Variants in PBRM1 observed in about 807,000 individuals in gnomAD.
PBRM1 encodes the protein protein polybromo-1.
Under a neutral mutation model 194.5 loss-of-function variants are expected in PBRM1, and 27 were observed. The observed-to-expected ratio is 0.14, with a 90% CI of 0.10 to 0.19. PBRM1 has a LOEUF of 0.19. Among genes scored for constraint, PBRM1 ranks in the 10% least tolerant of loss-of-function variants. PBRM1 has a pLI of 1.00. For synonymous variants in PBRM1, 655 were observed against 693.2 expected (o/e 0.94, Z 0.87); for missense variants, 1,466 against 2,077.2 (o/e 0.71, Z 5.72).
chr3:52,661,638 A>G (rs2096727246), intron 4 of PBRM1, among the ~76,000 whole-genome samples: 1 of 152,334 alleles, frequency 6.6e-6, no homozygotes, highest in South Asian at 2.1e-4. Flanking sequence ...ACAATAAAAA[A>G]GAGCCAGTCA....
chr3:52,576,513 G>T, intron 22 of PBRM1, 28 bp downstream of exon 24: 1 of 1,561,734 alleles, frequency 6.4e-7, no homozygotes, highest in South Asian at 1.2e-5. Flanking sequence ...GAATAAACAC[G>T]ATTAAATAAA....
At chr3:52,578,057 T>C (rs538548018) in intron 21 of PBRM1, among the ~76,000 whole-genome samples, 26 of 152,188 alleles carry the variant, frequency 1.7e-4, no homozygotes, top group Non-Finnish European at 3.5e-4. Context: ...GTGTTTATAC[T>C]GGCTGTTCCC....
chr3:52,583,503 C>T (rs1243289006), intron 20 of PBRM1, among the ~76,000 whole-genome samples: 1 of 151,780 alleles, frequency 6.6e-6, no homozygotes, highest in Non-Finnish European at 1.5e-5. Context: ...TCAACTCTTG[C>T]CATCCTGTTA....
At chr3:52,627,392 G>A (rs1577026664) in intron 12 of PBRM1, 22 bp from the exon 14 acceptor site, 3 of 1,468,308 alleles carry the variant, frequency 2.0e-6, no homozygotes, top group South Asian at 1.1e-5. Context: ...CAGATCTCAG[G>A]AGTTGAGCTC....
At chr3:52,559,946 G>A (rs1453579537) in intron 25 of PBRM1, among the ~76,000 whole-genome samples, 3 of 147,764 alleles carry the variant, frequency 2.0e-5, no homozygotes, top group Non-Finnish European at 4.5e-5. Flanking sequence ...AAATGAAATG[G>A]AAAAAAAAAA....
intron 17 of PBRM1, among the ~76,000 whole-genome samples, chr3:52,598,785 C>T (rs541134911): frequency 3.9e-5 from 6 of 152,156 alleles, no homozygotes; most frequent in South Asian, 2.1e-4. Flanking sequence ...CTTTGGGAGG[C>T]GGAAGCAGGC....
intron 22 of PBRM1, among the ~76,000 whole-genome samples, chr3:52,565,954 G>A (rs776802635): frequency 3.3e-5 from 5 of 152,066 alleles, no homozygotes; most frequent in Non-Finnish European, 5.9e-5. Flanking sequence ...TGAGGCTGAG[G>A]CAGGAGAATG....
exon 20 of PBRM1, chr3:52,586,425 C>T: frequency 6.2e-7 from 1 of 1,607,562 alleles, no homozygotes; most frequent in Non-Finnish European, 8.5e-7. Flanking sequence ...ATCTGCATAC[C>T]TTTTCCAAGT....
chr3:52,600,945 A>G (rs1261337764), intron 17 of PBRM1, among the ~76,000 whole-genome samples: 1 of 152,172 alleles, frequency 6.6e-6, no homozygotes, highest in East Asian at 1.9e-4. Context: ...CCGCTAAATT[A>G]CTTATCGACT....
At chr3:52,597,233 G>T (rs1247876300) in intron 17 of PBRM1, among the ~76,000 whole-genome samples, 2 of 152,194 alleles carry the variant, frequency 1.3e-5, no homozygotes, top group East Asian at 3.9e-4. Context: ...GAGATATGAA[G>T]TTAAAACTAG....
chr3:52,670,797 T>TA (rs1361103042), intron 2 of PBRM1, among the ~76,000 whole-genome samples: 1 of 152,180 alleles, frequency 6.6e-6, no homozygotes, highest in African/African-American at 2.4e-5. Context: ...GTCAAGGCTG[T>TA]AGTGTGCAAA....
At chr3:52,604,749 C>T (rs977612070) in intron 16 of PBRM1, among the ~76,000 whole-genome samples, 1 of 151,620 alleles carries the variant, frequency 6.6e-6, no homozygotes, top group Non-Finnish European at 1.5e-5. Context: ...ACCTACAATC[C>T]CAGCACTTTG....
chr3:52,654,968 T>G (rs1355318800), intron 5 of PBRM1, among the ~76,000 whole-genome samples: 1 of 152,106 alleles, frequency 6.6e-6, no homozygotes, highest in Non-Finnish European at 1.5e-5. Flanking sequence ...AAAAAAATTT[T>G]TTTTGTAGAG....
chr3:52,666,879 A>G (rs1013410638), intron 3 of PBRM1, among the ~76,000 whole-genome samples: 2 of 142,194 alleles, frequency 1.4e-5, no homozygotes, highest in Non-Finnish European at 3.0e-5. Context: ...GCAACAAAGG[A>G]GATCGTGTCT....
At chr3:52,621,939 A>T (rs184105723) in intron 13 of PBRM1, among the ~76,000 whole-genome samples, 254 of 152,192 alleles carry the variant, frequency 1.7e-3, no homozygotes, top group Non-Finnish European at 3.1e-3. Flanking sequence ...CTAGCTACAC[A>T]TGAGGCTGAG....
intron 24 of PBRM1, 54 bp downstream of exon 26, chr3:52,563,229 T>C: frequency 7.1e-7 from 1 of 1,406,076 alleles, no homozygotes; most frequent in Non-Finnish European, 9.9e-7. Context: ...GTTTTGAGTC[T>C]GCTGCAAACC....
intron 13 of PBRM1, among the ~76,000 whole-genome samples, chr3:52,625,569 GCTTAA>G (rs1318478285): frequency 6.7e-6 from 1 of 150,092 alleles, no homozygotes; most frequent in Non-Finnish European, 1.5e-5. Flanking sequence ...AGAACATAAT[GCTTAA>G]CTTTTTTTTT....
chr3:52,609,425 G>A lies in PBRM1; in HGVS notation c.2455C>T (p.Pro819Ser). The A allele has an allele frequency of 6.2e-7, 1 of 1,613,832 alleles. No individual in the cohort carries two copies. Among genetic ancestry groups the A allele is most frequent in the Non-Finnish European group, 8.5e-7 (1 of 1,179,748 alleles). The change falls in exon 16 of 30, where the codon CCC (proline) becomes TCC (serine). Residue 819 changes from proline to serine, a missense_variant. This residue lies in a region of PBRM1 where 687 missense variants were observed against 946.2 expected (regional missense o/e 0.73). Transcript: ENST00000296302. This position sits in a 1 kb window ranked among gnomAD's most constrained non-coding sequence, Gnocchi z 4.1. ...TTCCTAATTATGTCAAATGTAAGGG[G>A]TGGTTTGTTAGGAAAGTTGGGATCC... is the stretch of plus-strand genomic sequence containing the variant.
At chr3:52,667,564 C>T (rs1025483027) in intron 3 of PBRM1, among the ~76,000 whole-genome samples, 26 of 151,124 alleles carry the variant, frequency 1.7e-4, no homozygotes, top group African/African-American at 6.3e-4. Flanking sequence ...ACTAGCCTGG[C>T]CAACATGGTG....
Sources: allele counts gnomAD v4.1 joint callset (sites outside exome capture counted in the v4.1 genomes callset), GRCh38; gene constraint gnomAD v4.1.1; regional missense constraint gnomAD v4.1.1; non-coding constraint Gnocchi (gnomAD v3.1); transcripts MANE v1.5; gene names NCBI Gene and HGNC (gene_info 2026-07-23, HGNC 2026-07-21).